AGBL1: variants seen among roughly 807,000 people sequenced by gnomAD.
AGBL1 encodes the protein AGBL carboxypeptidase 1.
AGBL1 carries 130 observed loss-of-function variants against 118.9 expected under a neutral mutation model. The ratio of observed to expected loss-of-function variants is 1.09; its 90% CI spans 0.95 to 1.26. The LOEUF (loss-of-function observed/expected upper bound fraction) is 1.26. Ranked by LOEUF, AGBL1 falls within the 50% of genes most tolerant of loss-of-function variation. The probability of loss-of-function intolerance (pLI) is 0.00; values close to 1 mark genes in which losing one functional copy is unlikely to be tolerated. For synonymous variants in AGBL1, 555 were observed against 478.9 expected (o/e 1.16, Z -2.08); for missense variants, 1,584 against 1,298.1 (o/e 1.22, Z -3.38).
intron 18 of AGBL1, 71 bp from the exon 19 acceptor site, chr15:86,522,739 T>G (rs2083205502): frequency 2.9e-5 from 44 of 1,538,562 alleles, no homozygotes; most frequent in Non-Finnish European, 3.8e-5. Context: ...TTGTTTATCT[T>G]GTGGAGCTTT....
chr15:86,250,115 G>A (rs913903754), intron 7 of AGBL1, among the ~76,000 whole-genome samples: 1 of 152,178 alleles, frequency 6.6e-6, no homozygotes, highest in African/African-American at 2.4e-5. Context: ...ATAGTGCTGA[G>A]TAAATAGGCC....
Position 86,247,885 on chromosome 15 carries a change from C to T in AGBL1, c.735+6C>T, listed in dbSNP as rs28403430. On this transcript the variant is annotated splice_donor_region_variant and intron_variant, in intron 7 of 22. Coordinates refer to ENST00000614907, the MANE Select transcript of AGBL1 (RefSeq NM_001386094.1). ...TCCTCTTCAGCACCACACAGGCAGGCAGCATGGGGATTCACTCTGCAGCTG... is the reference window on the plus strand; with the variant it reads ...TCCTCTTCAGCACCACACAGGCAGGTAGCATGGGGATTCACTCTGCAGCTG... 9,270 of 1,613,668 alleles carry T rather than the reference C, an allele frequency of 5.7e-3. 483 individuals are homozygous for T. In the African/African-American group the frequency reaches 0.11, roughly 19 times the overall value.
intron 5 of AGBL1, among the ~76,000 whole-genome samples, chr15:86,190,146 C>T (rs2077696242): frequency 6.6e-6 from 1 of 151,982 alleles, no homozygotes; most frequent in Non-Finnish European, 1.5e-5. Context: ...TTTATGTTCT[C>T]TTTTTTAAAA....
At chr15:86,868,675 G>A (rs1210672526) in intron 22 of AGBL1, among the ~76,000 whole-genome samples, 1 of 152,168 alleles carries the variant, frequency 6.6e-6, no homozygotes, top group East Asian at 1.9e-4. Flanking sequence ...CACTCACCCT[G>A]GGAATTCATT....
chr15:86,265,035 G>C (rs766457172), intron 11 of AGBL1, among the ~76,000 whole-genome samples, 197 bp downstream of exon 11: 2 of 152,234 alleles, frequency 1.3e-5, no homozygotes, highest in Non-Finnish European at 2.9e-5. Context: ...GTGTGGGGTA[G>C]TGGTAGGCAT....
intron 18 of AGBL1, among the ~76,000 whole-genome samples, chr15:86,423,226 AG>A (rs1463166745): frequency 1.3e-5 from 2 of 152,240 alleles, no homozygotes; most frequent in African/African-American, 4.8e-5. Flanking sequence ...CACATCAAAA[AG>A]CTTATCCACC....
intron 19 of AGBL1, among the ~76,000 whole-genome samples, chr15:86,525,583 A>G (rs553847349): frequency 6.6e-6 from 1 of 152,174 alleles, no homozygotes; most frequent in East Asian, 1.9e-4. Flanking sequence ...AAAGCCAGCC[A>G]CCTACAATTA....
intron 22 of AGBL1, among the ~76,000 whole-genome samples, chr15:86,767,491 A>G (rs1452632427): frequency 6.6e-6 from 1 of 151,966 alleles, no homozygotes; most frequent in Non-Finnish European, 1.5e-5. Flanking sequence ...TGTTACCCAA[A>G]GGATGGATTT....
rs139302693 is a variant in AGBL1 at position 86,129,300 on chromosome 15, A to T, written c.52-12704A>T. On this transcript the variant is annotated intron_variant, in intron 1 of 22. Coordinates refer to ENST00000614907, the MANE Select transcript of AGBL1 (RefSeq NM_001386094.1). ...GTGTGTGTGCGTTTGTGTGTATAGG[A>T]ATCTGACTGGTCTTGTATCTGATTC... Among the ~76,000 whole-genome samples, 11 of 152,244 alleles carry T rather than the reference A, an allele frequency of 7.2e-5. No individual in the cohort carries two copies. In the East Asian group the frequency reaches 9.6e-4, roughly 13 times the overall value.
intron 22 of AGBL1, among the ~76,000 whole-genome samples, chr15:86,772,767 A>T (rs760961548): frequency 6.6e-6 from 1 of 152,110 alleles, no homozygotes; most frequent in Non-Finnish European, 1.5e-5. Context: ...GTAATCAGCA[A>T]TCCTGATAGC....
intron 5 of AGBL1, among the ~76,000 whole-genome samples, chr15:86,194,708 G>T (rs921211306): frequency 6.6e-6 from 1 of 152,156 alleles, no homozygotes; most frequent in Non-Finnish European, 1.5e-5. Context: ...TAGTATAAGA[G>T]GGAAGATGGG....
At chr15:86,368,263 C>T (rs1006422102) in intron 17 of AGBL1, among the ~76,000 whole-genome samples, 3 of 151,706 alleles carry the variant, frequency 2.0e-5, no homozygotes, top group Non-Finnish European at 2.9e-5. Flanking sequence ...TAGATAGGTA[C>T]GATATTCACA....
At chr15:86,132,842 G>T (rs1418310546) in intron 1 of AGBL1, among the ~76,000 whole-genome samples, 2 of 152,118 alleles carry the variant, frequency 1.3e-5, no homozygotes, top group Non-Finnish European at 2.9e-5. Flanking sequence ...CTCCTTAAGA[G>T]TATTCTGCTA....
chr15:86,308,289 G>T (rs548488815), intron 17 of AGBL1, among the ~76,000 whole-genome samples: 2 of 152,190 alleles, frequency 1.3e-5, no homozygotes, highest in Non-Finnish European at 2.9e-5. Context: ...AGTAATTAAG[G>T]TTAAACAAGA....
intron 22 of AGBL1, among the ~76,000 whole-genome samples, chr15:86,830,044 C>T (rs2079082793): frequency 6.6e-6 from 1 of 152,016 alleles, no homozygotes; most frequent in Non-Finnish European, 1.5e-5. Context: ...AGGTATGATT[C>T]TTAGAATAAT....
chr15:86,104,859 G>A (rs1401007043), intron 1 of AGBL1, among the ~76,000 whole-genome samples: 1 of 152,132 alleles, frequency 6.6e-6, no homozygotes. Context: ...TCTCTAGGTA[G>A]CTACCTATGT....
chr15:86,341,146 G>T (rs747239983), intron 17 of AGBL1, among the ~76,000 whole-genome samples: 2 of 152,194 alleles, frequency 1.3e-5, no homozygotes, highest in African/African-American at 2.4e-5. Flanking sequence ...TGTGTGCTGG[G>T]AAGTGGCCCA....
At chr15:86,764,723 T>C (rs1043710039) in intron 22 of AGBL1, among the ~76,000 whole-genome samples, 3 of 152,082 alleles carry the variant, frequency 2.0e-5, no homozygotes, top group Admixed American at 1.3e-4. Flanking sequence ...TTGCCTCAGA[T>C]GCTAAAGTTA....
At chr15:86,140,622 C>T (rs946510354) in intron 1 of AGBL1, among the ~76,000 whole-genome samples, 10 of 152,096 alleles carry the variant, frequency 6.6e-5, no homozygotes, top group African/African-American at 2.4e-4. Flanking sequence ...AATGTCAGGG[C>T]TGAGCCCAGA....
Sources: gnomAD v4.1 joint callset for allele counts (sites outside exome capture counted in the v4.1 genomes callset) on GRCh38, gnomAD v4.1.1 for gene constraint, MANE v1.5 for transcripts, NCBI Gene and HGNC (gene_info 2026-07-23, HGNC 2026-07-21) for gene names.